The following AIDA variants were observed in gnomAD, a reference collection of about 807,000 sequenced individuals.
AIDA encodes axin interactor, dorsalization-associated protein.
A neutral mutation model predicts 42.7 loss-of-function variants in AIDA; 18 were observed. That is an observed-to-expected ratio of 0.42 (90% confidence interval 0.29 to 0.63). The LOEUF (loss-of-function observed/expected upper bound fraction) is 0.63. Ranked by LOEUF, AIDA falls within the 20% of genes least tolerant of loss-of-function variation. The pLI is 0.19. For synonymous variants in AIDA, 104 were observed against 122.9 expected (o/e 0.85, Z 1.02); for missense variants, 250 against 354.1 (o/e 0.71, Z 2.36).
At position 222,708,619 on chromosome 1, in the gene AIDA, C is replaced by G. The variant is rs551432286; in HGVS notation, c.110+3589G>C. Among the ~76,000 whole-genome samples the G allele has an allele frequency of 2.6e-5, 4 of 152,146 alleles. No individual in the cohort carries two copies. The East Asian group carries it at 7.8e-4, about 30-fold the overall frequency. ...TCCTGACCTCAAGTGATCTGCCCGC[C>G]TCAGCTTCCCAGTGCTAGGATGACA... On this transcript the variant is annotated intron_variant, in intron 1 of 9. Transcript: ENST00000340020.
At chr1:222,704,281 TTAAA>T (rs558036956) in intron 1 of AIDA, among the ~76,000 whole-genome samples, 17 of 152,224 alleles carry the variant, frequency 1.1e-4, no homozygotes, top group Admixed American at 9.8e-4. Context: ...CCTCAAAAAG[TTAAA>T]TATAGACTTA....
intron 6 of AIDA, among the ~76,000 whole-genome samples, chr1:222,680,952 T>A (rs955582676): frequency 6.6e-6 from 1 of 152,002 alleles, no homozygotes. Flanking sequence ...AAGGCTCTAT[T>A]CCCAAACCGC....
intron 2 of AIDA, among the ~76,000 whole-genome samples, chr1:222,701,181 T>G (rs1655693004): frequency 6.6e-6 from 1 of 152,128 alleles, no homozygotes; most frequent in Admixed American, 6.5e-5. Context: ...CAGGCCGGTC[T>G]TGAACTCCTG....
At chr1:222,695,213 C>T (rs182683723) in intron 2 of AIDA, among the ~76,000 whole-genome samples, 27 of 152,278 alleles carry the variant, frequency 1.8e-4, no homozygotes, top group Admixed American at 2.6e-4. Context: ...CCATTGTGGC[C>T]GGGCGTGGTA....
In AIDA at chr1:222,669,814, G is replaced by C; in HGVS notation, c.*79C>G. The C allele has an allele frequency of 7.4e-7, 1 of 1,353,024 alleles. No homozygotes were observed. Among genetic ancestry groups the C allele is most frequent in the Non-Finnish European group, 1.0e-6 (1 of 980,314 alleles). 83.8% of individuals were successfully genotyped at this position (1,353,024 alleles called of 1,614,324 possible). A position where few individuals can be genotyped will look rare whatever the true frequency, so the allele number is the denominator to read the frequency against. ...CGGCTTGCTTCCTGCCTGTTGAAGGGTGAATATGCTACACAGAGCTATGAT... is the reference window on the plus strand; with the variant it reads ...CGGCTTGCTTCCTGCCTGTTGAAGGCTGAATATGCTACACAGAGCTATGAT... On this transcript the variant is annotated 3_prime_UTR_variant, in exon 10 of 10. Transcript: ENST00000340020.
intron 2 of AIDA, among the ~76,000 whole-genome samples, chr1:222,698,901 C>T (rs1352948027): frequency 6.6e-6 from 1 of 152,134 alleles, no homozygotes; most frequent in Non-Finnish European, 1.5e-5. Context: ...TCTTGGTTCA[C>T]TGCAAGCTCC....
chr1:222,677,933 C>T (rs1032947736), intron 6 of AIDA, among the ~76,000 whole-genome samples: 4 of 152,046 alleles, frequency 2.6e-5, no homozygotes, highest in Non-Finnish European at 5.9e-5. Context: ...ATTTTTTACA[C>T]ATTATTGGAG....
rs1321651590 is a variant in AIDA at position 222,669,888 on chromosome 1, C to T, written c.*5G>A. ...CACAGAAGTTCCAGGTTCATCATGT[C>T]AGGATCATTCCTTGTGCAAAGTTTG... On this transcript the variant is annotated 3_prime_UTR_variant, in exon 10 of 10. Transcript: ENST00000340020. The T allele has an allele frequency of 6.2e-7, 1 of 1,608,922 alleles. No individual in the cohort carries two copies. Among genetic ancestry groups the T allele is most frequent in the South Asian group, 1.1e-5 (1 of 90,562 alleles).
At chr1:222,697,743 TA>T (rs1655562550) in intron 2 of AIDA, among the ~76,000 whole-genome samples, 1 of 152,116 alleles carries the variant, frequency 6.6e-6, no homozygotes, top group African/African-American at 2.4e-5. Context: ...AAAATAGGTT[TA>T]AAAAATACAT....
At chr1:222,680,000 C>T (rs903657096) in intron 6 of AIDA, among the ~76,000 whole-genome samples, 3 of 152,202 alleles carry the variant, frequency 2.0e-5, no homozygotes, top group Non-Finnish European at 4.4e-5. Flanking sequence ...TCCCTGAACT[C>T]GCTAGGAGCT....
At chr1:222,679,293 T>G (rs1046518513) in intron 6 of AIDA, among the ~76,000 whole-genome samples, 2 of 141,520 alleles carry the variant, frequency 1.4e-5, no homozygotes, top group African/African-American at 4.9e-5. Context: ...ATGAACACAT[T>G]CAACTGTATA....
At chr1:222,690,574 T>C (rs888068758) in intron 4 of AIDA, among the ~76,000 whole-genome samples, 3 of 152,196 alleles carry the variant, frequency 2.0e-5, no homozygotes, top group African/African-American at 7.2e-5. Context: ...GGGTGTGGCA[T>C]ATTGGCATCC....
intron 1 of AIDA, among the ~76,000 whole-genome samples, chr1:222,705,289 T>C (rs1255291933): frequency 1.3e-5 from 2 of 152,250 alleles, no homozygotes; most frequent in Non-Finnish European, 2.9e-5. Context: ...AGAAACAATA[T>C]AGCCATTGTC....
At chr1:222,695,436 G>A (rs1047791424) in intron 2 of AIDA, among the ~76,000 whole-genome samples, 1 of 152,158 alleles carries the variant, frequency 6.6e-6, no homozygotes, top group African/African-American at 2.4e-5. Flanking sequence ...AGGTTGCAGT[G>A]AGCTGAAATC....
At chr1:222,700,929 CAGTCT>C (rs1331895506) in intron 2 of AIDA, among the ~76,000 whole-genome samples, 4 of 143,038 alleles carry the variant, frequency 2.8e-5, no homozygotes, top group Non-Finnish European at 6.0e-5. Flanking sequence ...TTTTTCTCAT[CAGTCT>C]AATCATTATA....
rs1246631021 is a variant in AIDA, at chr1:222,707,154, A to AGACAGGAGG, written c.111-3938_111-3937insCCTCCTGTC. 6.6e-5 allele frequency among the ~76,000 whole-genome samples: 10 copies of AGACAGGAGG among 152,292 alleles called. No individual in the cohort carries two copies. The South Asian group carries it at 1.9e-3, about 28-fold the overall frequency. The stretch of plus-strand genomic sequence containing the variant: ...ATTATACCTCAATAAAGTTGTCTGT[A>AGACAGGAGG]AAATAACTTTTTTTTTGAGACAGGA... On this transcript the variant is annotated intron_variant, in intron 1 of 9. Transcript: ENST00000340020.
chr1:222,710,113 G>C (rs866661474), intron 1 of AIDA, among the ~76,000 whole-genome samples: 52 of 152,062 alleles, frequency 3.4e-4, no homozygotes, highest in African/African-American at 1.1e-3. Flanking sequence ...CCCCCAATTG[G>C]TCTATTTTGC....
chr1:222,699,074 C>T (rs1477373243), intron 2 of AIDA, among the ~76,000 whole-genome samples: 1 of 152,226 alleles, frequency 6.6e-6, no homozygotes, highest in Non-Finnish European at 1.5e-5. Flanking sequence ...ATCTGCCTCA[C>T]TCGGCCTCCC....
chr1:222,710,707 G>C (rs1045252770), intron 1 of AIDA, among the ~76,000 whole-genome samples: 10 of 152,188 alleles, frequency 6.6e-5, no homozygotes, highest in African/African-American at 9.7e-5. Flanking sequence ...CTGTAGTAGA[G>C]ACAGGATTTG....
Sources: gnomAD v4.1 joint callset for allele counts (sites outside exome capture counted in the v4.1 genomes callset) on GRCh38, gnomAD v4.1.1 for gene constraint, MANE v1.5 for transcripts, NCBI Gene and HGNC (gene_info 2026-07-23, HGNC 2026-07-21) for gene names.